AUTS2: variants seen among roughly 807,000 people sequenced by gnomAD.
AUTS2 encodes the protein autism susceptibility gene 2 protein.
Under a neutral mutation model 112.4 loss-of-function variants are expected in AUTS2, and 17 were observed. The ratio of observed to expected loss-of-function variants is 0.15; its 90% CI spans 0.10 to 0.23. The LOEUF (loss-of-function observed/expected upper bound fraction) is 0.23. AUTS2 is among the 10% of genes least tolerant of loss of function. The probability of loss-of-function intolerance (pLI) is 1.00; values close to 1 mark genes in which losing one functional copy is unlikely to be tolerated. For synonymous variants in AUTS2, 751 were observed against 702.7 expected, an observed-to-expected ratio of 1.07 and a Z score of -1.09; for missense variants, 1,510 against 1,701.6, an observed-to-expected ratio of 0.89 and a Z score of 1.98.
At chr7:70,550,106 T>C (rs1361793614) in intron 5 of AUTS2, among the ~76,000 whole-genome samples, 4 of 152,196 alleles carry the variant, frequency 2.6e-5, no homozygotes, top group Admixed American at 2.6e-4. Context: ...AAATATCCCA[T>C]GTATATTTCC....
At chr7:70,234,049 C>G (rs1321173225) in intron 4 of AUTS2, among the ~76,000 whole-genome samples, 1 of 152,168 alleles carries the variant, frequency 6.6e-6, no homozygotes, top group Non-Finnish European at 1.5e-5. Context: ...TGAATACCAT[C>G]TTGTGATGTC....
At chr7:70,321,844 C>T (rs943301199) in intron 4 of AUTS2, among the ~76,000 whole-genome samples, 3 of 152,070 alleles carry the variant, frequency 2.0e-5, no homozygotes, top group African/African-American at 7.2e-5. Flanking sequence ...GAATAGTACC[C>T]TATAGTTTAT....
chr7:69,795,719 A>G (rs1443302795), intron 1 of AUTS2, among the ~76,000 whole-genome samples: 1 of 152,208 alleles, frequency 6.6e-6, no homozygotes, highest in Non-Finnish European at 1.5e-5. Context: ...GAAATAGGAA[A>G]TTAATTAGTA....
chr7:70,718,339 A>C (rs1315226326), intron 6 of AUTS2, among the ~76,000 whole-genome samples: 1 of 152,120 alleles, frequency 6.6e-6, no homozygotes, highest in African/African-American at 2.4e-5. Flanking sequence ...TATTTCTCCC[A>C]GTCTCTTAAG....
intron 4 of AUTS2, among the ~76,000 whole-genome samples, chr7:70,205,177 A>G (rs1464041533): frequency 6.6e-6 from 1 of 152,086 alleles, no homozygotes; most frequent in African/African-American, 2.4e-5. Flanking sequence ...AGAAGCTGGG[A>G]CTTCAGGAAT....
intron 6 of AUTS2, among the ~76,000 whole-genome samples, chr7:70,733,838 C>T (rs898545015): frequency 3.3e-5 from 5 of 152,038 alleles, no homozygotes; most frequent in East Asian, 1.9e-4. Context: ...CCTCCTGCTT[C>T]GGCCTCCAAA....
intron 2 of AUTS2, among the ~76,000 whole-genome samples, chr7:69,979,380 A>T (rs77468745): frequency 0.016 from 2,395 of 152,338 alleles, 21 homozygotes; most frequent in Middle Eastern, 0.031. Context: ...GGCTTATTTC[A>T]GTGGATAGAC....
Position 70,157,081 on chromosome 7 carries a change from C to CA in AUTS2, c.660+22520dup, listed in dbSNP as rs901176766. ...GACACAGTGCAAGACTCCGTCTTAC[C>CA]AAAAAAAAAAGCAAGTGAAATTGAC... is the stretch of plus-strand genomic sequence containing the variant. On this transcript the variant is annotated intron_variant, in intron 4 of 18. Transcript: ENST00000342771. 1.4e-3 allele frequency among the ~76,000 whole-genome samples: 189 copies of CA among 137,746 alleles called. 3 individuals are homozygous for CA. The Middle Eastern group carries it at 0.029, about 21-fold the overall frequency. The allele number at this position is 137,746 out of a possible 152,430, so 90.4% of individuals were successfully genotyped here.
At chr7:70,262,018 T>C (rs1787191578) in intron 4 of AUTS2, among the ~76,000 whole-genome samples, 2 of 152,198 alleles carry the variant, frequency 1.3e-5, no homozygotes, top group Admixed American at 1.3e-4. Flanking sequence ...GCAGGCATAA[T>C]TAAAGCATTT....
chr7:70,745,848 T>C (rs532038170), intron 6 of AUTS2, among the ~76,000 whole-genome samples: 1 of 152,354 alleles, frequency 6.6e-6, no homozygotes, highest in African/African-American at 2.4e-5. Context: ...ATTATTTTAT[T>C]GCAGTATGAT....
At chr7:70,772,758 A>G (rs1563188193) in intron 11 of AUTS2, among the ~76,000 whole-genome samples, 2 of 152,198 alleles carry the variant, frequency 1.3e-5, no homozygotes, top group Non-Finnish European at 2.9e-5. Flanking sequence ...AAGGTTACAG[A>G]TATACAGGGC....
chr7:70,493,621 A>G (rs1798334528), intron 5 of AUTS2, among the ~76,000 whole-genome samples: 2 of 152,272 alleles, frequency 1.3e-5, no homozygotes, highest in South Asian at 4.2e-4. Context: ...TAATATAAAT[A>G]TAATTGAGGA....
chr7:70,303,127 A>G (rs1179343446), intron 4 of AUTS2, among the ~76,000 whole-genome samples: 1 of 152,114 alleles, frequency 6.6e-6, no homozygotes, highest in African/African-American at 2.4e-5. Context: ...AAACCTACAT[A>G]AGACTCCCAG....
intron 1 of AUTS2, among the ~76,000 whole-genome samples, chr7:69,806,204 T>A (rs1446445136): frequency 1.2e-4 from 17 of 137,918 alleles, no homozygotes; most frequent in African/African-American, 4.5e-4. Flanking sequence ...AGGCTTTTTT[T>A]TTTTTTTTTT....
intron 2 of AUTS2, among the ~76,000 whole-genome samples, chr7:70,111,481 G>A (rs1805086347): frequency 6.6e-6 from 1 of 152,106 alleles, no homozygotes; most frequent in Admixed American, 6.6e-5. Context: ...TAAACTTAAA[G>A]AGTTATGCAA....
At chr7:70,094,655 T>G (rs915014217) in intron 2 of AUTS2, among the ~76,000 whole-genome samples, 7 of 152,202 alleles carry the variant, frequency 4.6e-5, no homozygotes, top group African/African-American at 1.7e-4. Context: ...CATAAAGCAG[T>G]ATGGAAATGG....
chr7:70,444,558 A>G (rs1796248589), intron 5 of AUTS2, among the ~76,000 whole-genome samples: 1 of 152,168 alleles, frequency 6.6e-6, no homozygotes, highest in South Asian at 2.1e-4. Context: ...GATTCAACAA[A>G]TGAATGGACT....
At chr7:69,804,257 A>G (rs1006235265) in intron 1 of AUTS2, among the ~76,000 whole-genome samples, 5 of 152,160 alleles carry the variant, frequency 3.3e-5, no homozygotes, top group Admixed American at 2.6e-4. Flanking sequence ...ACACACATAT[A>G]TGGTCACGTA....
chr7:69,835,390 T>G (rs1317213035), intron 1 of AUTS2, among the ~76,000 whole-genome samples: 3 of 152,180 alleles, frequency 2.0e-5, no homozygotes, highest in Non-Finnish European at 4.4e-5. Context: ...ATCTTAGAAC[T>G]CTGATCTTCT....
Sources: allele counts gnomAD v4.1 joint callset (sites outside exome capture counted in the v4.1 genomes callset), GRCh38; gene constraint gnomAD v4.1.1; transcripts MANE v1.5; gene names NCBI Gene and HGNC (gene_info 2026-07-23, HGNC 2026-07-21).